RAI1: variants seen among roughly 807,000 people sequenced by gnomAD.
The protein encoded by RAI1 is retinoic acid induced 1, also known as retinoic acid-induced protein 1.
In RAI1, 9 loss-of-function variants were observed where a neutral mutation model predicts 123.8. That is an observed-to-expected ratio of 0.07 (90% CI 0.04 to 0.13). RAI1 has a LOEUF of 0.13. Among genes scored for constraint, RAI1 ranks in the 10% least tolerant of loss-of-function variants. The probability of loss-of-function intolerance (pLI) is 1.00; values close to 1 mark genes in which losing one functional copy is unlikely to be tolerated. For synonymous variants in RAI1, 1,231 were observed against 1,127.3 expected (o/e 1.09, Z -1.84); for missense variants, 2,256 against 2,545.8 (o/e 0.89, Z 2.45).
At chr17:17,738,246 GT>G (rs1222987418) in intron 2 of RAI1, among the ~76,000 whole-genome samples, 1 of 144,206 alleles carries the variant, frequency 6.9e-6, no homozygotes, top group Admixed American at 6.9e-5. Context: ...GAGGGAGTGA[GT>G]ACCAGGAGAC....
chr17:17,792,902 T>A, intron 2 of RAI1, 31 bp from the exon 3 acceptor site: 4 of 268,654 alleles, frequency 1.5e-5, no homozygotes, highest in Non-Finnish European at 1.5e-5. Context: ...CCTCCTTCCC[T>A]CCCTCCCTCC....
At chr17:17,784,756 CTT>C (rs1473873772) in intron 2 of RAI1, among the ~76,000 whole-genome samples, 5 of 152,074 alleles carry the variant, frequency 3.3e-5, no homozygotes, top group African/African-American at 9.7e-5. Context: ...GATGGGGTGA[CTT>C]TGCAGGATTG....
chr17:17,779,185 T>TC (rs1284552251), intron 2 of RAI1: 5 of 338,936 alleles, frequency 1.5e-5, no homozygotes, highest in South Asian at 2.4e-5. Flanking sequence ...GAGGAAAGCC[T>TC]CCCGGGTGGC....
chr17:17,722,100 A>G (rs1318910268), intron 1 of RAI1, among the ~76,000 whole-genome samples: 3 of 152,158 alleles, frequency 2.0e-5, no homozygotes, highest in African/African-American at 7.2e-5. Context: ...GAGGAAGTGG[A>G]GGTGGAGGCC....
At chr17:17,696,211 C>T (rs1214255173) in intron 1 of RAI1, among the ~76,000 whole-genome samples, 3 of 152,274 alleles carry the variant, frequency 2.0e-5, no homozygotes, top group East Asian at 1.9e-4. Context: ...GTATGATAAA[C>T]CACTTATGAT....
At chr17:17,716,790 CTG>C (rs1915727019) in intron 1 of RAI1, among the ~76,000 whole-genome samples, 1 of 152,192 alleles carries the variant, frequency 6.6e-6, no homozygotes, top group Non-Finnish European at 1.5e-5. Context: ...CTGCTGGACT[CTG>C]TTGTGGTCAC....
At chr17:17,723,827 G>C (rs8082035) in intron 1 of RAI1, among the ~76,000 whole-genome samples, 1 of 150,116 alleles carries the variant, frequency 6.7e-6, no homozygotes, top group East Asian at 2.0e-4. Context: ...CCACGGGGCC[G>C]TCTCTAATTA....
chr17:17,808,571 T>C (rs2143006318), intron 4 of RAI1, among the ~76,000 whole-genome samples: 1 of 151,934 alleles, frequency 6.6e-6, no homozygotes, highest in Non-Finnish European at 1.5e-5. Context: ...CCCCAGCCTC[T>C]CGAGTAGCTG....
At chr17:17,783,778 G>GGGGGGCGGGGGC (rs956586270) in intron 2 of RAI1, among the ~76,000 whole-genome samples, 10 of 151,202 alleles carry the variant, frequency 6.6e-5, no homozygotes, top group Admixed American at 5.9e-4. Context: ...AGGTGTAGGC[G>GGGGGGCGGGGGC]GGGGGCGGGG....
chr17:17,696,902 C>A (rs913684567), intron 1 of RAI1, among the ~76,000 whole-genome samples: 1 of 152,254 alleles, frequency 6.6e-6, no homozygotes, highest in Non-Finnish European at 1.5e-5. Context: ...CCTTGTCGAT[C>A]CTGTGACCCA....
chr17:17,767,018 G>A (rs998333912), intron 2 of RAI1, among the ~76,000 whole-genome samples: 5 of 152,122 alleles, frequency 3.3e-5, no homozygotes, highest in African/African-American at 9.7e-5. Context: ...GAGGGCCAGA[G>A]TGGAGACTGG....
chr17:17,799,862 C>G lies in RAI1; in HGVS notation c.5565+1349C>G, dbSNP rs1242086955. 6.6e-6 allele frequency among the ~76,000 whole-genome samples: 1 copy of G among 152,178 alleles called. No individual in the cohort carries two copies. The highest frequency in any genetic ancestry group is 1.5e-5 in the Non-Finnish European group (1 of 68,016). On this transcript the variant is annotated intron_variant, in intron 3 of 5. Transcript: ENST00000353383. The surrounding 1 kb of genome is among the most constrained non-coding windows in gnomAD (Gnocchi z 4.5). ...CCCTCTGAGCAGCCCCTGCTCCTGA[C>G]AGTTGCCGTGGCATTGCCTGGCCAA...
intron 1 of RAI1, among the ~76,000 whole-genome samples, chr17:17,716,462 G>A (rs887799438): frequency 1.3e-5 from 2 of 152,264 alleles, no homozygotes; most frequent in Non-Finnish European, 2.9e-5. Flanking sequence ...GCATGAGTGT[G>A]TGTACACACA....
intron 2 of RAI1, among the ~76,000 whole-genome samples, chr17:17,752,347 T>TGAGCGGAAAGGGGCGGGGC (rs2030219096): frequency 6.6e-6 from 1 of 151,402 alleles, no homozygotes; most frequent in Non-Finnish European, 1.5e-5. Flanking sequence ...CGGGGCGGGG[T>TGAGCGGAAAGGGGCGGGGC]GAGCGGAAAG....
chr17:17,717,039 T>C (rs770144396), intron 1 of RAI1, among the ~76,000 whole-genome samples: 2 of 152,212 alleles, frequency 1.3e-5, no homozygotes, highest in African/African-American at 4.8e-5. Flanking sequence ...GGCCTGTGCC[T>C]GAGGTCAGAA....
chr17:17,790,928 C>T (rs186224523), intron 2 of RAI1, among the ~76,000 whole-genome samples: 7 of 152,326 alleles, frequency 4.6e-5, no homozygotes, highest in Admixed American at 3.3e-4. Flanking sequence ...AACCAAGTGC[C>T]GTCCCCAGCT....
intron 2 of RAI1, among the ~76,000 whole-genome samples, chr17:17,756,581 C>T (rs1191886485): frequency 6.6e-6 from 1 of 152,132 alleles, no homozygotes; most frequent in Admixed American, 6.5e-5. Context: ...ACCTCCCTTA[C>T]GTATAAAGGT....
chr17:17,790,105 C>A (rs534109434), intron 2 of RAI1, among the ~76,000 whole-genome samples: 1 of 152,298 alleles, frequency 6.6e-6, no homozygotes, highest in African/African-American at 2.4e-5. Context: ...CCCAGCCCTG[C>A]TGCCTGCCTC....
At chr17:17,749,116 G>A (rs2030046812) in intron 2 of RAI1, among the ~76,000 whole-genome samples, 1 of 152,204 alleles carries the variant, frequency 6.6e-6, no homozygotes, top group Admixed American at 6.5e-5. Flanking sequence ...CCAGAAAGAG[G>A]CTGAATGGCG....
Sources: gnomAD v4.1 joint callset for allele counts (sites outside exome capture counted in the v4.1 genomes callset) on GRCh38, gnomAD v4.1.1 for gene constraint, Gnocchi (gnomAD v3.1) non-coding constraint, MANE v1.5 for transcripts, NCBI Gene and HGNC (gene_info 2026-07-23, HGNC 2026-07-21) for gene names.